CDC37: variants seen among roughly 807,000 people sequenced by gnomAD.
CDC37 encodes cell division cycle 37, HSP90 cochaperone.
Under a neutral mutation model 46.9 loss-of-function variants are expected in CDC37, and 9 were observed. That is an observed-to-expected ratio of 0.19 (90% CI 0.12 to 0.33). CDC37 has a LOEUF of 0.33. CDC37 is among the 10% of genes least tolerant of loss of function. The pLI is 1.00. For synonymous variants in CDC37, 193 were observed against 191.0 expected (o/e 1.01, Z -0.09); for missense variants, 388 against 514.6 (o/e 0.75, Z 2.38).
Position 10,393,758 on chromosome 19 carries a change from G to GT in CDC37, c.727-318dup. 3.1e-6 allele frequency: 1 copy of GT among 327,120 alleles called. No individual in the cohort carries two copies. The highest frequency in any genetic ancestry group is 5.6e-6 in the Non-Finnish European group (1 of 177,320). 20.3% of individuals were successfully genotyped at this position (327,120 alleles called of 1,614,324 possible). On this transcript the variant is annotated intron_variant, in intron 5 of 7. Coordinates refer to ENST00000222005, the MANE Select transcript of CDC37 (RefSeq NM_007065.4). The surrounding 1 kb of genome is among the most constrained non-coding windows in gnomAD (Gnocchi z 4.9). ...CTTGTCCTTGGTCTCCCTAATCTCGGTAAGGATAGCCCTGTTCCTCCAGGT... is the reference window on the plus strand; with the variant it reads ...CTTGTCCTTGGTCTCCCTAATCTCGGTTAAGGATAGCCCTGTTCCTCCAGGT...
Position 10,395,157 on chromosome 19 carries a change from C to A in CDC37, c.604-14G>T. The stretch of plus-strand genomic sequence containing the variant: ...GAGTGCACATTTCTGCCAGGAAGAA[C>A]AGGCACAGCGTCACCAAGTGGCGGC... On this transcript the variant is annotated splice_polypyrimidine_tract_variant and intron_variant, in intron 4 of 7. Coordinates refer to ENST00000222005, the MANE Select transcript of CDC37 (RefSeq NM_007065.4). 6.2e-7 allele frequency: 1 copy of A among 1,605,762 alleles called. No homozygotes were observed. The highest frequency in any genetic ancestry group is 8.5e-7 in the Non-Finnish European group (1 of 1,173,576).
Position 10,393,108 on chromosome 19 carries a change from G to A in CDC37, c.959C>T (p.Ala320Val), listed in dbSNP as rs369699110. The A allele has an allele frequency of 1.5e-5, 24 of 1,613,934 alleles. No individual in the cohort carries two copies. The highest frequency in any genetic ancestry group is 1.9e-5 in the Non-Finnish European group (22 of 1,179,976). Residue 320 changes from alanine to valine, a missense_variant, in exon 7 of 8, where the codon GCC becomes GTC. By Grantham distance (64) the Ala-to-Val change is moderately conservative. Transcript: ENST00000222005. This position sits in a 1 kb window ranked among gnomAD's most constrained non-coding sequence, Gnocchi z 4.9. The stretch of plus-strand genomic sequence containing the variant: ...CACGGTGGGGTCCATCTTGCTGATG[G>A]CGTCCTGCAGCATCTGCACGTCCTT... ...DVKDVQMLQDAISKMDPTDAK... is the reference protein window; with the variant it reads ...DVKDVQMLQDVISKMDPTDAK...
chr19:10,394,697 C>T (rs780097595), intron 5 of CDC37, among the ~76,000 whole-genome samples: 2 of 151,828 alleles, frequency 1.3e-5, no homozygotes, highest in African/African-American at 2.4e-5. Context: ...CCACCATGCC[C>T]GGCTAATTTT....
At chr19:10,402,157 C>CAA (rs753021871) in intron 1 of CDC37, among the ~76,000 whole-genome samples, 172 of 63,046 alleles carry the variant, frequency 2.7e-3, no homozygotes, top group Non-Finnish European at 3.7e-3. Flanking sequence ...AACTTCGTCT[C>CAA]AAAAAAAAAA....
chr19:10,396,218 G>A lies in CDC37; in HGVS notation c.103-15C>T. On this transcript the variant is annotated splice_polypyrimidine_tract_variant and intron_variant, in intron 1 of 7. Transcript: ENST00000222005. This position sits in a 1 kb window ranked among gnomAD's most constrained non-coding sequence, Gnocchi z 5.9. ...TCCACCCGGGCCTGCGGGCAGGGAC[G>A]GCCTATCAACTCTGGGGAGTCGTCT... 6.2e-7 allele frequency: 1 copy of A among 1,610,564 alleles called. No individual in the cohort carries two copies. The highest frequency in any genetic ancestry group is 8.5e-7 in the Non-Finnish European group (1 of 1,177,932).
intron 5 of CDC37, among the ~76,000 whole-genome samples, chr19:10,394,370 G>A (rs1436673094): frequency 1.3e-5 from 2 of 151,834 alleles, no homozygotes; most frequent in Admixed American, 6.6e-5. Flanking sequence ...ACATTTTTTT[G>A]TAATGCAGTT....
intron 1 of CDC37, 142 bp downstream of exon 1, chr19:10,403,236 A>C (rs981260192): frequency 1.5e-6 from 1 of 650,070 alleles, no homozygotes; most frequent in Non-Finnish European, 2.7e-6. Flanking sequence ...GGGGTCCCGG[A>C]GTTGAATCGA....
chr19:10,391,599 T>C lies in CDC37; in HGVS notation c.1089A>G (p.Leu363=), dbSNP rs148572803. ...CGCCCGTCTTGGGAACAGCTTCCAG[T>C]AATGGGTCCCCAGGACCTGCCTCCT... ...EGEEAGPGDP[L]LEAVPKTGDE... Residue 363 remains leucine (L), a synonymous_variant, in exon 8 of 8, where the codon TTA becomes TTG. Coordinates refer to ENST00000222005, the MANE Select transcript of CDC37 (RefSeq NM_007065.4). 2 of 1,614,048 alleles carry C rather than the reference T, an allele frequency of 1.2e-6. No individual in the cohort carries two copies. Among genetic ancestry groups the C allele is most frequent in the African/African-American group, 1.3e-5 (1 of 74,914 alleles).
chr19:10,396,869 G>C lies in CDC37; in HGVS notation c.103-666C>G, dbSNP rs1032734036. ...ACAGGCGGGAGCTACTGCACTCTGC[G>C]GAGCCCACTTTTTTCTTGAACCTCA... On this transcript the variant is annotated intron_variant, in intron 1 of 7. Transcript: ENST00000222005. This position sits in a 1 kb window ranked among gnomAD's most constrained non-coding sequence, Gnocchi z 5.9. 2.0e-5 allele frequency among the ~76,000 whole-genome samples: 3 copies of C among 151,976 alleles called. No individual in the cohort carries two copies. The highest frequency in any genetic ancestry group is 4.4e-5 in the Non-Finnish European group (3 of 67,976).
intron 1 of CDC37, among the ~76,000 whole-genome samples, chr19:10,399,665 G>C (rs1478557138): frequency 6.6e-6 from 1 of 151,006 alleles, no homozygotes; most frequent in East Asian, 2.0e-4. Context: ...GGGTGTGGTG[G>C]CTCATGCCTG....
chr19:10,391,456 G>A lies in CDC37; in HGVS notation c.*95C>T, dbSNP rs2042456130. ...CAGGCTGGGCCGAGCAGCGCAAGTA[G>A]AGGAAGTCAGGAGCGGGCGAGATGG... On this transcript the variant is annotated 3_prime_UTR_variant, in exon 8 of 8. Coordinates refer to ENST00000222005, the MANE Select transcript of CDC37 (RefSeq NM_007065.4). 2 of 1,492,482 alleles carry A rather than the reference G, an allele frequency of 1.3e-6. No individual in the cohort carries two copies. Among genetic ancestry groups the A allele is most frequent in the African/African-American group, 1.4e-5 (1 of 72,504 alleles). 92.5% of individuals were successfully genotyped at this position (1,492,482 alleles called of 1,614,324 possible).
chr19:10,403,104 G>A (rs1186362462), intron 1 of CDC37, among the ~76,000 whole-genome samples: 1 of 152,150 alleles, frequency 6.6e-6, no homozygotes, highest in Non-Finnish European at 1.5e-5. Context: ...CCCAAGACTC[G>A]TCTAGGGGAC....
At position 10,395,441 on chromosome 19, in the gene CDC37, G is replaced by A; in HGVS notation, c.481C>T (p.His161Tyr). 1 of 1,613,484 alleles carries A rather than the reference G, an allele frequency of 6.2e-7. No homozygotes were observed. Among genetic ancestry groups the A allele is most frequent in the Non-Finnish European group, 8.5e-7 (1 of 1,179,386 alleles). The change falls in exon 3 of 8, where the codon CAC becomes TAC. Residue 161 changes from histidine to tyrosine, a missense_variant. Coordinates refer to ENST00000222005, the MANE Select transcript of CDC37 (RefSeq NM_007065.4). Reference protein sequence around the residue: ...FVEKYEKQIKHFGMLRRWDDS... With the variant: ...FVEKYEKQIKYFGMLRRWDDS... ...ACCCACAAGCCCCACTCACCAAAGT[G>A]CTTGATCTGTTTCTCGTATTTTTCC...
Position 10,403,465 on chromosome 19 carries a change from G to A in CDC37, c.15C>T (p.Ser5=). MVDY[S]VWDHIEVSDD... ...CAGACACCTCAATGTGGTCCCACAC[G>A]CTGTAGTCCACCATCTTGCCTTGGC... The change falls in exon 1 of 8, where the codon AGC becomes AGT. Residue 5 remains serine, a synonymous_variant. Coordinates refer to ENST00000222005, the MANE Select transcript of CDC37 (RefSeq NM_007065.4). 6.2e-7 allele frequency: 1 copy of A among 1,613,058 alleles called. No individual in the cohort carries two copies.
At chr19:10,399,800 C>T (rs759597911) in intron 1 of CDC37, among the ~76,000 whole-genome samples, 8 of 151,542 alleles carry the variant, frequency 5.3e-5, no homozygotes, top group South Asian at 2.1e-4. Context: ...GGCATGGTGG[C>T]GCGCACCTGT....
At position 10,391,451 on chromosome 19, in the gene CDC37, A is replaced by G. The variant is rs554064120; in HGVS notation, c.*100T>C. 1 of 1,458,684 alleles carries G rather than the reference A, an allele frequency of 6.9e-7. No individual in the cohort carries two copies. The highest frequency in any genetic ancestry group is 1.7e-5 in the Admixed American group (1 of 58,810). 90.4% of individuals were successfully genotyped at this position (1,458,684 alleles called of 1,614,324 possible). ...CCCCCCAGGCTGGGCCGAGCAGCGC[A>G]AGTAGAGGAAGTCAGGAGCGGGCGA... On this transcript the variant is annotated 3_prime_UTR_variant, in exon 8 of 8. Coordinates refer to ENST00000222005, the MANE Select transcript of CDC37 (RefSeq NM_007065.4).
Position 10,403,459 on chromosome 19 carries a change from C to T in CDC37, c.21G>A (p.Trp7Ter). The change falls in exon 1 of 8, where the codon TGG becomes TGA. Residue 7 changes from tryptophan (W) to a stop codon, truncating the protein, a stop_gained. Coordinates refer to ENST00000222005, the MANE Select transcript of CDC37 (RefSeq NM_007065.4). LOFTEE classifies it high-confidence loss of function. MVDYSV[W>*]DHIEVSDDED... The stretch of plus-strand genomic sequence containing the variant: ...CATCATCAGACACCTCAATGTGGTC[C>T]CACACGCTGTAGTCCACCATCTTGC... 6.2e-7 allele frequency: 1 copy of T among 1,613,428 alleles called. No homozygotes were observed. The highest frequency in any genetic ancestry group is 8.5e-7 in the Non-Finnish European group (1 of 1,179,824).
At chr19:10,394,952 A>C (rs1599380328) in intron 5 of CDC37, 69 bp downstream of exon 5, 5 of 1,490,912 alleles carry the variant, frequency 3.4e-6, no homozygotes, top group Non-Finnish European at 2.7e-6. Flanking sequence ...AGTCGGCCTT[A>C]CCTAGAGCAT....
intron 1 of CDC37, among the ~76,000 whole-genome samples, chr19:10,397,525 C>T (rs1245043606): frequency 1.3e-5 from 2 of 151,498 alleles, no homozygotes; most frequent in Non-Finnish European, 2.9e-5. Context: ...ATTTTCCTGC[C>T]TCAGCCTCCT....
Sources: gnomAD v4.1 joint callset for allele counts (sites outside exome capture counted in the v4.1 genomes callset) on GRCh38, gnomAD v4.1.1 for gene constraint, Gnocchi (gnomAD v3.1) non-coding constraint, MANE v1.5 for transcripts, NCBI Gene and HGNC (gene_info 2026-07-23, HGNC 2026-07-21) for gene names.